The following MSI2 variants were observed in gnomAD, a reference collection of about 807,000 sequenced individuals.
MSI2 encodes musashi RNA binding protein 2.
MSI2 carries 17 observed loss-of-function variants against 45.6 expected under a neutral mutation model. The observed-to-expected ratio is 0.37, with a 90% CI of 0.26 to 0.56. The LOEUF (loss-of-function observed/expected upper bound fraction) is 0.56. Ranked by LOEUF, MSI2 falls within the 20% of genes least tolerant of loss-of-function variation. The pLI is 0.77. For synonymous variants in MSI2, 156 were observed against 158.2 expected (o/e 0.99, Z 0.11); for missense variants, 293 against 444.2 (o/e 0.66, Z 3.06).
chr17:57,573,007 T>C (rs947245722), intron 7 of MSI2, among the ~76,000 whole-genome samples: 1 of 152,172 alleles, frequency 6.6e-6, no homozygotes, highest in Admixed American at 6.5e-5. Context: ...GGATCCCACA[T>C]GGGCACAGTG....
intron 5 of MSI2, among the ~76,000 whole-genome samples, chr17:57,281,342 G>C (rs1567733470): frequency 6.6e-6 from 1 of 152,088 alleles, no homozygotes; most frequent in Non-Finnish European, 1.5e-5. Flanking sequence ...AGCCAATTCT[G>C]AGCTCATGTG....
rs1398133135 is a variant in MSI2 at position 57,270,428 on chromosome 17, A to C, written c.312+8236A>C. On this transcript the variant is annotated intron_variant, in intron 5 of 13. Transcript: ENST00000284073. The stretch of plus-strand genomic sequence containing the variant: ...GCTAAGCCTTGCTGCATCCAACATG[A>C]GTGGGCAGAGTTGAGGTTGCCACTT... 2.0e-5 allele frequency among the ~76,000 whole-genome samples: 3 copies of C among 152,200 alleles called. No homozygotes were observed. In the East Asian group the frequency reaches 5.8e-4, roughly 29 times the overall value.
chr17:57,673,723 G>A (rs892549090), intron 11 of MSI2, among the ~76,000 whole-genome samples: 8 of 151,610 alleles, frequency 5.3e-5, no homozygotes, highest in African/African-American at 1.7e-4. Context: ...TGGGGGGGCC[G>A]AGGCAGTGTC....
chr17:57,546,286 T>C (rs563853676), intron 7 of MSI2, among the ~76,000 whole-genome samples: 1 of 152,362 alleles, frequency 6.6e-6, no homozygotes, highest in East Asian at 1.9e-4. Flanking sequence ...ATCAAAATGC[T>C]AATAGCAGCG....
intron 7 of MSI2, among the ~76,000 whole-genome samples, chr17:57,570,687 C>T (rs2087853753): frequency 6.6e-6 from 1 of 152,170 alleles, no homozygotes; most frequent in South Asian, 2.1e-4. Flanking sequence ...AAGCCAACAA[C>T]CAAAAACAAC....
At chr17:57,631,473 G>C (rs964484939) in intron 10 of MSI2, 1 of 306,482 alleles carries the variant, frequency 3.3e-6, no homozygotes, top group East Asian at 6.8e-5. Context: ...CACACAGCTG[G>C]TGGCAAGTGG....
intron 8 of MSI2, among the ~76,000 whole-genome samples, chr17:57,597,229 A>G (rs1905327729): frequency 6.6e-6 from 1 of 152,150 alleles, no homozygotes; most frequent in Non-Finnish European, 1.5e-5. Context: ...CAATGCATAC[A>G]TAAAGCAGTG....
intron 7 of MSI2, chr17:57,532,250 T>C (rs2086836678): frequency 6.6e-6 from 1 of 152,296 alleles, no homozygotes; most frequent in Non-Finnish European, 1.5e-5. Context: ...GGGCCTCCTA[T>C]TCAAAGATGA....
intron 6 of MSI2, among the ~76,000 whole-genome samples, chr17:57,442,799 A>C (rs546787175): frequency 2.1e-4 from 32 of 152,154 alleles, no homozygotes; most frequent in Non-Finnish European, 4.6e-4. Flanking sequence ...TCCTGCCGGC[A>C]CGCTGGGGGC....
At chr17:57,637,939 A>C (rs1430493714) in intron 10 of MSI2, among the ~76,000 whole-genome samples, 2 of 152,232 alleles carry the variant, frequency 1.3e-5, no homozygotes, top group South Asian at 4.1e-4. Context: ...CTGTACCACC[A>C]GCCTTGCAAA....
rs762464212 is a variant in MSI2 at position 57,476,112 on chromosome 17, C to T, written c.406-53564C>T. On this transcript the variant is annotated intron_variant, in intron 6 of 13. Coordinates refer to ENST00000284073, the MANE Select transcript of MSI2 (RefSeq NM_138962.4). ...AATTGGCACAAAAGGGCAGTTTAGCCGGCATCTTGTAGGAGGTTTGTCATG... is the reference window on the plus strand; with the variant it reads ...AATTGGCACAAAAGGGCAGTTTAGCTGGCATCTTGTAGGAGGTTTGTCATG... Among the ~76,000 whole-genome samples the T allele has an allele frequency of 4.6e-5, 7 of 152,134 alleles. 1 individual carries two copies. The highest frequency in any genetic ancestry group is 3.3e-4 in the Admixed American group (5 of 15,274).
intron 7 of MSI2, among the ~76,000 whole-genome samples, chr17:57,585,276 G>A (rs2088316378): frequency 6.6e-6 from 1 of 152,220 alleles, no homozygotes; most frequent in African/African-American, 2.4e-5. Context: ...TAACAAGTGA[G>A]GCTATATACA....
intron 10 of MSI2, among the ~76,000 whole-genome samples, chr17:57,651,400 A>T (rs1283646038): frequency 1.3e-5 from 2 of 151,728 alleles, no homozygotes; most frequent in Admixed American, 6.6e-5. Context: ...ACACCGAGAG[A>T]TCAAATAAAG....
At chr17:57,263,798 G>A (rs1320911982) in intron 5 of MSI2, 1 of 152,214 alleles carries the variant, frequency 6.6e-6, no homozygotes, top group East Asian at 1.9e-4. Flanking sequence ...TTGTCAAAGT[G>A]TGCATTCCTT....
chr17:57,453,346 G>C (rs1459484782), intron 6 of MSI2, among the ~76,000 whole-genome samples: 1 of 152,124 alleles, frequency 6.6e-6, no homozygotes, highest in Admixed American at 6.6e-5. Context: ...CTGCAATGCT[G>C]CTGTCTTGAT....
At chr17:57,494,790 C>T (rs1028314180) in intron 6 of MSI2, among the ~76,000 whole-genome samples, 8 of 152,110 alleles carry the variant, frequency 5.3e-5, no homozygotes, top group African/African-American at 1.2e-4. Flanking sequence ...ATTCAGCAAA[C>T]GCTGAACACA....
At chr17:57,271,509 TTGA>T (rs1460541981) in intron 5 of MSI2, among the ~76,000 whole-genome samples, 1 of 152,168 alleles carries the variant, frequency 6.6e-6, no homozygotes, top group African/African-American at 2.4e-5. Context: ...TAAAATGGTC[TTGA>T]TGATGCATTC....
chr17:57,306,302 T>A (rs544123752), intron 5 of MSI2, among the ~76,000 whole-genome samples: 5 of 152,048 alleles, frequency 3.3e-5, no homozygotes, highest in Non-Finnish European at 7.4e-5. Context: ...ATCCCTTCCT[T>A]CCTACTAATG....
intron 5 of MSI2, among the ~76,000 whole-genome samples, chr17:57,343,677 G>C (rs920682203): frequency 2.0e-5 from 3 of 152,114 alleles, no homozygotes; most frequent in Non-Finnish European, 4.4e-5. Flanking sequence ...GTCCTTTATA[G>C]AATTCTTTTT....
Sources: allele counts gnomAD v4.1 joint callset (sites outside exome capture counted in the v4.1 genomes callset), GRCh38; gene constraint gnomAD v4.1.1; transcripts MANE v1.5; gene names NCBI Gene and HGNC (gene_info 2026-07-23, HGNC 2026-07-21).